The following LAMA2 variants were observed in gnomAD, a reference collection of about 807,000 sequenced individuals.
The protein encoded by LAMA2 is laminin subunit alpha 2, also known as laminin subunit alpha-2.
In LAMA2, 269 loss-of-function variants were observed where a neutral mutation model predicts 364.8. The observed-to-expected ratio is 0.74, with a 90% CI of 0.67 to 0.82. The LOEUF (loss-of-function observed/expected upper bound fraction) is 0.82. Among genes scored for constraint, LAMA2 ranks in the 40% least tolerant of loss-of-function variants. LAMA2 has a pLI of 0.00. For synonymous variants in LAMA2, 1,379 were observed against 1,370.6 expected, an observed-to-expected ratio of 1.01 and a Z score of -0.14; for missense variants, 3,807 against 3,873.2, an observed-to-expected ratio of 0.98 and a Z score of 0.45.
intron 1 of LAMA2, among the ~76,000 whole-genome samples, chr6:128,948,323 A>G (rs1780605483): frequency 1.3e-5 from 2 of 152,186 alleles, no homozygotes; most frequent in Non-Finnish European, 2.9e-5. Flanking sequence ...CAAAGATATT[A>G]TACTGGTCCT....
At chr6:129,175,307 A>C (rs571244305) in intron 9 of LAMA2, among the ~76,000 whole-genome samples, 3 of 152,304 alleles carry the variant, frequency 2.0e-5, no homozygotes, top group South Asian at 2.1e-4. Context: ...TCCATGCCTT[A>C]GTTACCTCAT....
chr6:128,883,436 G>T, intron 1 of LAMA2, 79 bp downstream of exon 1: 4 of 1,540,402 alleles, frequency 2.6e-6, no homozygotes, highest in Non-Finnish European at 3.5e-6. Context: ...TCCGAGAGTT[G>T]CTGTCTGTGG....
intron 15 of LAMA2, among the ~76,000 whole-genome samples, chr6:129,266,779 C>A (rs958795884): frequency 1.1e-4 from 17 of 152,164 alleles, no homozygotes; most frequent in African/African-American, 3.6e-4. Context: ...AGTACTTTTT[C>A]TTCTACTTTC....
intron 1 of LAMA2, among the ~76,000 whole-genome samples, chr6:129,048,540 C>CTTT (rs1562188039): frequency 3.9e-4 from 21 of 53,982 alleles, no homozygotes; most frequent in Admixed American, 1.4e-3. Flanking sequence ...TTCCTTCCTT[C>CTTT]CTTTCTTTCT....
Position 129,387,066 on chromosome 6 carries a change from C to A in LAMA2, c.5071+3833C>A, listed in dbSNP as rs1361675607. Reference sequence around the variant, plus strand: ...TATCCAACTGGAAAAAAAAAAACAACCTCATGACTGAGCTGCACAGTGATG... The same window carrying A: ...TATCCAACTGGAAAAAAAAAAACAAACTCATGACTGAGCTGCACAGTGATG... On this transcript the variant is annotated intron_variant, in intron 35 of 64. Coordinates refer to ENST00000421865, the MANE Select transcript of LAMA2 (RefSeq NM_000426.4). 3.3e-5 allele frequency among the ~76,000 whole-genome samples: 5 copies of A among 151,746 alleles called. No individual in the cohort carries two copies. In the South Asian group the frequency reaches 1.0e-3, roughly 31 times the overall value.
chr6:129,280,746 T>C (rs2114392995), intron 18 of LAMA2, among the ~76,000 whole-genome samples: 1 of 152,344 alleles, frequency 6.6e-6, no homozygotes, highest in Non-Finnish European at 1.5e-5. Context: ...GAAATGTTTT[T>C]GAAGAAATAA....
intron 12 of LAMA2, among the ~76,000 whole-genome samples, chr6:129,225,050 G>A (rs968162389): frequency 6.6e-6 from 1 of 152,098 alleles, no homozygotes; most frequent in Non-Finnish European, 1.5e-5. Context: ...CTTCTTCCTT[G>A]TTTAGTATTG....
rs553271782 is a variant in LAMA2, at chr6:129,008,280, C to T, written c.113-41638C>T. ...CCATCTCTTTGATCTTAAGATTACTCCTTTGGGGATAGAAGGTAATATAAG... is the reference window on the plus strand; with the variant it reads ...CCATCTCTTTGATCTTAAGATTACTTCTTTGGGGATAGAAGGTAATATAAG... On this transcript the variant is annotated intron_variant, in intron 1 of 64. Coordinates refer to ENST00000421865, the MANE Select transcript of LAMA2 (RefSeq NM_000426.4). 5.9e-5 allele frequency among the ~76,000 whole-genome samples: 9 copies of T among 151,950 alleles called. No individual in the cohort carries two copies. The South Asian group carries it at 1.9e-3, about 32-fold the overall frequency.
At position 129,190,257 on chromosome 6, in the gene LAMA2, T is replaced by C. The variant is rs1312890792; in HGVS notation, c.1520T>C (p.Leu507Ser). 1 of 1,613,806 alleles carries C rather than the reference T, an allele frequency of 6.2e-7. No individual in the cohort carries two copies. The highest frequency in any genetic ancestry group is 8.5e-7 in the Non-Finnish European group (1 of 1,179,672). ...CGTTGCAAATCCGGCTTCTTCAATTTGCAAGAGGATAATTGGAAAGGCTGC... is the reference window on the plus strand; with the variant it reads ...CGTTGCAAATCCGGCTTCTTCAATTCGCAAGAGGATAATTGGAAAGGCTGC... ...CSRCKSGFFN[L>S]QEDNWKGCDE... Residue 507 changes from leucine to serine, a missense_variant, in exon 11 of 65, where the codon TTG becomes TCG. Leu to Ser is a moderately radical substitution (Grantham distance 145). This residue lies in a region of LAMA2 where 3,333 missense variants were observed against 3,345.7 expected (regional missense o/e 1.00). Coordinates refer to ENST00000421865, the MANE Select transcript of LAMA2 (RefSeq NM_000426.4).
intron 1 of LAMA2, among the ~76,000 whole-genome samples, chr6:129,028,696 A>C (rs1786010551): frequency 1.3e-5 from 2 of 151,874 alleles, no homozygotes; most frequent in South Asian, 2.1e-4. Flanking sequence ...CATTTCATTC[A>C]ATAAGTTGAC....
chr6:129,167,312 T>TC (rs1779812328), intron 9 of LAMA2, among the ~76,000 whole-genome samples: 1 of 62,168 alleles, frequency 1.6e-5, no homozygotes, highest in South Asian at 6.3e-4. Flanking sequence ...CCCTCCCCCC[T>TC]CCCCCCACCC....
At chr6:129,272,824 C>T (rs1050655569) in intron 17 of LAMA2, among the ~76,000 whole-genome samples, 6 of 152,074 alleles carry the variant, frequency 3.9e-5, no homozygotes, top group Non-Finnish European at 8.8e-5. Flanking sequence ...ACTGCACCTG[C>T]GAGGGATCTA....
At chr6:129,410,130 T>C (rs376601070) in intron 40 of LAMA2, among the ~76,000 whole-genome samples, 9 of 152,264 alleles carry the variant, frequency 5.9e-5, no homozygotes, top group African/African-American at 1.9e-4. Flanking sequence ...AAAATAAGAC[T>C]AATGCAGAAT....
intron 3 of LAMA2, among the ~76,000 whole-genome samples, chr6:129,066,076 C>T (rs1356179722): frequency 1.4e-4 from 6 of 41,478 alleles, no homozygotes; most frequent in Admixed American, 3.6e-4. Context: ...GACGCAGTCT[C>T]GCTCTGTCGC....
Position 129,470,017 on chromosome 6 carries a change from G to A in LAMA2, c.7301-3197G>A, listed in dbSNP as rs926548941. On this transcript the variant is annotated intron_variant, in intron 51 of 64. Transcript: ENST00000421865. ...TTCTGGGGTGATGGATGTGTTCATT[G>A]AGTGTGGTGGTGGTTCTGCAGGTGT... 5.3e-5 allele frequency among the ~76,000 whole-genome samples: 8 copies of A among 151,958 alleles called. No individual in the cohort carries two copies. In the East Asian group the frequency reaches 1.2e-3, roughly 22 times the overall value.
chr6:129,090,319 T>C (rs7741016), intron 3 of LAMA2, among the ~76,000 whole-genome samples: 142,629 of 152,252 alleles, frequency 0.94, 67,008 homozygotes, highest in East Asian at 0.97. Context: ...TTACTCGCTT[T>C]GTAACTACTT....
At chr6:129,153,340 G>A (rs1476885199) in intron 7 of LAMA2, among the ~76,000 whole-genome samples, 2 of 152,148 alleles carry the variant, frequency 1.3e-5, no homozygotes, top group South Asian at 2.1e-4. Flanking sequence ...CTGAGCCTTC[G>A]TGAAATTAAG....
chr6:129,384,524 A>G (rs1778869137), intron 35 of LAMA2, among the ~76,000 whole-genome samples: 1 of 152,234 alleles, frequency 6.6e-6, no homozygotes, highest in Non-Finnish European at 1.5e-5. Context: ...CCTATTATCA[A>G]CACTGCTTAC....
intron 1 of LAMA2, among the ~76,000 whole-genome samples, chr6:129,027,840 A>G (rs1409472987): frequency 6.6e-6 from 1 of 151,904 alleles, no homozygotes; most frequent in Non-Finnish European, 1.5e-5. Context: ...ATTAAGAGAT[A>G]AAATTATAAT....
Sources: gnomAD v4.1 joint callset for allele counts (sites outside exome capture counted in the v4.1 genomes callset) on GRCh38, gnomAD v4.1.1 for gene constraint, gnomAD v4.1.1 regional missense constraint, MANE v1.5 for transcripts, NCBI Gene and HGNC (gene_info 2026-07-23, HGNC 2026-07-21) for gene names.